The following FSTL4 variants were observed in gnomAD, a reference collection of about 807,000 sequenced individuals.
FSTL4 encodes the protein follistatin like 4.
FSTL4 carries 28 observed loss-of-function variants against 78.2 expected under a neutral mutation model. That is an observed-to-expected ratio of 0.36 (90% CI 0.27 to 0.49). The LOEUF (loss-of-function observed/expected upper bound fraction) is 0.49, where lower values mean the gene tolerates loss of function less well. FSTL4 is among the 20% of genes least tolerant of loss of function. The probability of loss-of-function intolerance (pLI) is 0.98; values close to 1 mark genes in which losing one functional copy is unlikely to be tolerated. For synonymous variants in FSTL4, 422 were observed against 440.5 expected (o/e 0.96, Z 0.53); for missense variants, 922 against 1,084.9 (o/e 0.85, Z 2.11).
chr5:133,262,031 G>T (rs1752539089), intron 6 of FSTL4, among the ~76,000 whole-genome samples: 1 of 151,854 alleles, frequency 6.6e-6, no homozygotes, highest in African/African-American at 2.4e-5. Context: ...GACTCTTTGT[G>T]GTAATAAAAT....
At chr5:133,203,197 C>T (rs78773506) in intron 14 of FSTL4, among the ~76,000 whole-genome samples, 125 of 152,318 alleles carry the variant, frequency 8.2e-4, no homozygotes, top group African/African-American at 2.8e-3. Context: ...GAGGCAGATG[C>T]TGGGCCCCTG....
chr5:133,783,103 C>T, the FSTL4 span, among the ~76,000 whole-genome samples: 1 of 152,162 alleles, frequency 6.6e-6, no homozygotes, highest in African/African-American at 2.4e-5. Flanking sequence ...CTAGAAACCC[C>T]CTTGAGGTGA....
chr5:133,459,731 C>T (rs560586271), intron 3 of FSTL4, among the ~76,000 whole-genome samples: 1 of 150,190 alleles, frequency 6.7e-6, no homozygotes, highest in Non-Finnish European at 1.5e-5. Flanking sequence ...CATGGGAGAA[C>T]AGGAGACCAT....
the FSTL4 span, among the ~76,000 whole-genome samples, chr5:133,701,498 CACACACACA>C: frequency 2.3e-5 from 3 of 132,696 alleles, no homozygotes; most frequent in African/African-American, 9.2e-5. Flanking sequence ...CACACACACA[CACACACACA>C]CACCCCACAG....
intron 4 of FSTL4, among the ~76,000 whole-genome samples, chr5:133,367,881 AAC>A (rs1258051466): frequency 2.6e-5 from 4 of 152,256 alleles, no homozygotes; most frequent in African/African-American, 9.6e-5. Flanking sequence ...ATAGAAACCT[AAC>A]ACAGTTTCAC....
At chr5:133,243,726 C>A (rs769332077) in intron 7 of FSTL4, 6 of 152,246 alleles carry the variant, frequency 3.9e-5, no homozygotes, top group Non-Finnish European at 8.8e-5. Context: ...ACAACCGGCA[C>A]GGAGCCTGCA....
At chr5:133,753,527 T>C in the FSTL4 span, among the ~76,000 whole-genome samples, 1 of 152,154 alleles carries the variant, frequency 6.6e-6, no homozygotes, top group Non-Finnish European at 1.5e-5. Flanking sequence ...CAGACACTTA[T>C]ATGGGAAACT....
the FSTL4 span, among the ~76,000 whole-genome samples, chr5:133,718,503 T>C: frequency 6.6e-6 from 1 of 152,246 alleles, no homozygotes; most frequent in Non-Finnish European, 1.5e-5. Flanking sequence ...TGTCTGAATG[T>C]TCCAAACTTT....
chr5:133,221,891 GTT>G (rs59400068), intron 11 of FSTL4, among the ~76,000 whole-genome samples: 10 of 43,354 alleles, frequency 2.3e-4, no homozygotes, highest in East Asian at 1.5e-3. Flanking sequence ...CTCTTTTCTA[GTT>G]TTTTTTTTTT....
intron 2 of FSTL4, among the ~76,000 whole-genome samples, chr5:133,567,857 G>T (rs193146963): frequency 6.6e-6 from 1 of 152,304 alleles, no homozygotes; most frequent in Non-Finnish European, 1.5e-5. Context: ...TGTTTCAGAA[G>T]TTACCCAGGT....
chr5:133,513,076 C>T (rs1342210366), intron 3 of FSTL4, among the ~76,000 whole-genome samples: 2 of 152,148 alleles, frequency 1.3e-5, no homozygotes, highest in African/African-American at 4.8e-5. Context: ...CCGCCTCAGC[C>T]TCCCAATGTG....
chr5:133,779,469 C>T, the FSTL4 span, among the ~76,000 whole-genome samples: 1 of 152,058 alleles, frequency 6.6e-6, no homozygotes, highest in South Asian at 2.1e-4. Context: ...ACCTGTAGTC[C>T]CAGCTACTCA....
intron 2 of FSTL4, among the ~76,000 whole-genome samples, chr5:133,590,658 G>A (rs1760603914): frequency 2.0e-5 from 3 of 152,150 alleles, no homozygotes; most frequent in African/African-American, 7.2e-5. Context: ...GAGTCACAGG[G>A]CCACAACTGA....
At chr5:133,529,539 T>C (rs1759207178) in intron 3 of FSTL4, among the ~76,000 whole-genome samples, 1 of 152,224 alleles carries the variant, frequency 6.6e-6, no homozygotes, top group African/African-American at 2.4e-5. Context: ...TTTAAGATTT[T>C]CATAAATTTT....
intron 4 of FSTL4, among the ~76,000 whole-genome samples, chr5:133,355,906 G>A (rs1185174174): frequency 1.3e-5 from 2 of 152,162 alleles, no homozygotes; most frequent in Non-Finnish European, 2.9e-5. Context: ...AAGATGGATC[G>A]AGAACTGTCT....
At chr5:133,568,555 T>C (rs763675280) in intron 2 of FSTL4, among the ~76,000 whole-genome samples, 12 of 152,168 alleles carry the variant, frequency 7.9e-5, no homozygotes, top group Non-Finnish European at 1.2e-4. Context: ...TGGAGATCAG[T>C]GGAAGATCCA....
chr5:133,401,123 G>C, intron 3 of FSTL4, 137 bp from the exon 4 acceptor site: 2 of 946,704 alleles, frequency 2.1e-6, no homozygotes, highest in African/African-American at 3.2e-5. Flanking sequence ...CTGGGGGCTT[G>C]GGGTCTCCTA....
chr5:133,740,804 TTGGC>T, the FSTL4 span, among the ~76,000 whole-genome samples: 1 of 152,158 alleles, frequency 6.6e-6, no homozygotes, highest in African/African-American at 2.4e-5. Flanking sequence ...GCTGTTCTTC[TTGGC>T]TGGAAGCAAC....
the FSTL4 span, among the ~76,000 whole-genome samples, chr5:133,750,039 C>T: frequency 1.3e-5 from 2 of 152,120 alleles, no homozygotes; most frequent in Non-Finnish European, 2.9e-5. Context: ...TAGGAATTCA[C>T]TCCACCATGG....
Sources: gnomAD v4.1 joint callset for allele counts (sites outside exome capture counted in the v4.1 genomes callset) on GRCh38, gnomAD v4.1.1 for gene constraint, MANE v1.5 for transcripts, NCBI Gene and HGNC (gene_info 2026-07-23, HGNC 2026-07-21) for gene names.